NINJ2: variants seen among roughly 807,000 people sequenced by gnomAD.
The protein encoded by NINJ2 is ninjurin 2.
A neutral mutation model predicts 11.7 loss-of-function variants in NINJ2; 12 were observed. The observed-to-expected ratio is 1.02, with a 90% CI of 0.66 to 1.66. NINJ2 has a LOEUF of 1.66. NINJ2 is among the 40% of genes most tolerant of loss of function. The pLI, the probability that NINJ2 is intolerant of heterozygous loss-of-function variation, is 0.00. For missense variants in NINJ2, 187 were observed against 181.8 expected, an observed-to-expected ratio of 1.03 and a Z score of -0.16; for synonymous variants, 93 against 76.8, an observed-to-expected ratio of 1.21 and a Z score of -1.10.
chr12:604,691 C>A (rs1947916819), intron 1 of NINJ2, among the ~76,000 whole-genome samples: 2 of 152,116 alleles, frequency 1.3e-5, no homozygotes, highest in Non-Finnish European at 2.9e-5. Flanking sequence ...CAGGAAGGAA[C>A]CAACAGGATA....
chr12:600,775 G>A (rs575374753), intron 1 of NINJ2, among the ~76,000 whole-genome samples: 146 of 151,604 alleles, frequency 9.6e-4, no homozygotes, highest in Non-Finnish European at 1.6e-3. Flanking sequence ...TTGACCTCCC[G>A]AGCTCAGGCA....
At chr12:615,854 C>G (rs750009082) in intron 1 of NINJ2, among the ~76,000 whole-genome samples, 23 of 152,136 alleles carry the variant, frequency 1.5e-4, no homozygotes, top group Admixed American at 2.6e-4. Flanking sequence ...ATCTGACAAG[C>G]AAGGGAAAAT....
At chr12:656,892 G>A (rs1295204611) in intron 1 of NINJ2, among the ~76,000 whole-genome samples, 1 of 152,090 alleles carries the variant, frequency 6.6e-6, no homozygotes, top group Non-Finnish European at 1.5e-5. Context: ...AAGACAATAC[G>A]ATGTAGCAGA....
chr12:660,201 T>C (rs991499117), intron 1 of NINJ2, among the ~76,000 whole-genome samples: 3 of 145,180 alleles, frequency 2.1e-5, no homozygotes, highest in Non-Finnish European at 3.0e-5. Flanking sequence ...GGCAGGAGGA[T>C]AACTTGGGCC....
chr12:593,717 AAGG>A (rs755145672), intron 1 of NINJ2, among the ~76,000 whole-genome samples: 9 of 151,984 alleles, frequency 5.9e-5, no homozygotes, highest in Admixed American at 2.6e-4. Context: ...CTGTCTCAAA[AAGG>A]AGGAGGAGGA....
chr12:638,446 C>G (rs1334474662), intron 1 of NINJ2, among the ~76,000 whole-genome samples: 1 of 152,144 alleles, frequency 6.6e-6, no homozygotes. Flanking sequence ...GACGGAGTCT[C>G]GCTCTGTCAC....
At chr12:604,222 G>A (rs1207764652) in intron 1 of NINJ2, among the ~76,000 whole-genome samples, 1 of 152,214 alleles carries the variant, frequency 6.6e-6, no homozygotes, top group African/African-American at 2.4e-5. Flanking sequence ...AATTTGGGGA[G>A]TATCGCTATC....
At chr12:660,428 C>A (rs1481076994) in intron 1 of NINJ2, among the ~76,000 whole-genome samples, 1 of 150,942 alleles carries the variant, frequency 6.6e-6, no homozygotes, top group African/African-American at 2.4e-5. Context: ...ACAACCTCTG[C>A]CTCCCAGGTT....
chr12:642,948 C>T (rs1565646727), intron 1 of NINJ2: 1 of 149,440 alleles, frequency 6.7e-6, no homozygotes, highest in East Asian at 1.9e-4. Context: ...GCCCCCACGC[C>T]CCACGCCGCG....
intron 1 of NINJ2, among the ~76,000 whole-genome samples, chr12:647,025 ACT>A (rs774687215): frequency 2.2e-4 from 33 of 151,802 alleles, no homozygotes; most frequent in Non-Finnish European, 4.4e-4. Flanking sequence ...TTGGGCTGGC[ACT>A]CTCTCCCACC....
At chr12:657,407 G>A (rs1337984081) in intron 1 of NINJ2, among the ~76,000 whole-genome samples, 1 of 151,978 alleles carries the variant, frequency 6.6e-6, no homozygotes, top group Non-Finnish European at 1.5e-5. Context: ...GGCCAACATA[G>A]TGAAACCCCG....
intron 1 of NINJ2, among the ~76,000 whole-genome samples, chr12:616,015 G>A (rs1281726812): frequency 6.6e-6 from 1 of 152,190 alleles, no homozygotes; most frequent in African/African-American, 2.4e-5. Context: ...TACTTGTAAT[G>A]GGCCAGAGGT....
chr12:598,174 A>G (rs1947815408), intron 1 of NINJ2, among the ~76,000 whole-genome samples: 2 of 152,212 alleles, frequency 1.3e-5, no homozygotes. Context: ...GTCTGTGTAT[A>G]GATATGTACA....
chr12:564,842 G>T (rs1947270116), intron 3 of NINJ2, among the ~76,000 whole-genome samples, 161 bp from the exon 4 acceptor site: 1 of 152,246 alleles, frequency 6.6e-6, no homozygotes, highest in East Asian at 1.9e-4. Context: ...CAAGTTCCTG[G>T]GTGGTTTGTG....
At chr12:626,674 G>A (rs977374420) in intron 1 of NINJ2, among the ~76,000 whole-genome samples, 1 of 152,098 alleles carries the variant, frequency 6.6e-6, no homozygotes, top group Non-Finnish European at 1.5e-5. Flanking sequence ...TTCAAATCCT[G>A]GCTTTCTCAC....
chr12:597,190 G>A (rs989549519), intron 1 of NINJ2, among the ~76,000 whole-genome samples: 4 of 152,168 alleles, frequency 2.6e-5, no homozygotes, highest in Admixed American at 2.6e-4. Flanking sequence ...GTGGGTTTCC[G>A]GGTGATGGCT....
intron 1 of NINJ2, among the ~76,000 whole-genome samples, chr12:605,638 C>T (rs998578544): frequency 6.6e-6 from 1 of 152,228 alleles, no homozygotes; most frequent in African/African-American, 2.4e-5. Context: ...AAGAAGCTAA[C>T]ACCCACCCTA....
rs1287788456 is a variant in NINJ2 at position 581,441 on chromosome 12, G to A, written c.34-15263C>T. Among the ~76,000 whole-genome samples, 1 of 152,172 alleles carries A rather than the reference G, an allele frequency of 6.6e-6. No individual in the cohort carries two copies. Among genetic ancestry groups the A allele is most frequent in the African/African-American group, 2.4e-5 (1 of 41,446 alleles). ...TGCCAGCTTCAGCCAATCCAAGGAG[G>A]CCTGGGCCTGGAACCAGCCTGCCTG... On this transcript the variant is annotated intron_variant, in intron 1 of 3. Transcript: ENST00000305108. This position sits in a 1 kb window ranked among gnomAD's most constrained non-coding sequence, Gnocchi z 4.9.
Position 629,896 on chromosome 12 carries a change from A to AAAAAAAAAAAAAAAAAAAAAATAT in NINJ2, c.33+33431_33+33432insATATTTTTTTTTTTTTTTTTTTTT. On this transcript the variant is annotated intron_variant, in intron 1 of 3. Transcript: ENST00000305108. ...GAGCAAAACTCAAAAAAAAAAAAAAAATATATATATATATATATATATATA... is the reference window on the plus strand; with the variant it reads ...GAGCAAAACTCAAAAAAAAAAAAAAAAAAAAAAAAAAAAAAAAAAAATATATATATATATATATATATATATATA... Among the ~76,000 whole-genome samples, 9 of 9,892 alleles carry AAAAAAAAAAAAAAAAAAAAAATAT rather than the reference A, an allele frequency of 9.1e-4. 2 individuals are homozygous for AAAAAAAAAAAAAAAAAAAAAATAT. Among genetic ancestry groups the AAAAAAAAAAAAAAAAAAAAAATAT allele is most frequent in the Non-Finnish European group, 2.8e-3 (6 of 2,124 alleles). 6.5% of individuals were successfully genotyped at this position (9,892 alleles called of 152,430 possible). A position where few individuals can be genotyped will look rare whatever the true frequency, so the allele number is the denominator to read the frequency against.
Sources: allele counts gnomAD v4.1 joint callset (sites outside exome capture counted in the v4.1 genomes callset), GRCh38; gene constraint gnomAD v4.1.1; non-coding constraint Gnocchi (gnomAD v3.1); transcripts MANE v1.5; gene names NCBI Gene and HGNC (gene_info 2026-07-23, HGNC 2026-07-21).